Variants in GDAP2 observed in about 807,000 individuals in gnomAD.
GDAP2 encodes ganglioside-induced differentiation-associated protein 2.
GDAP2 carries 51 observed loss-of-function variants against 67.0 expected under a neutral mutation model. That is an observed-to-expected ratio of 0.76 (90% CI 0.61 to 0.96). GDAP2 has a LOEUF of 0.96. Among genes scored for constraint, GDAP2 ranks in the 40% least tolerant of loss-of-function variants. The probability of loss-of-function intolerance (pLI) is 0.00; values close to 1 mark genes in which losing one functional copy is unlikely to be tolerated. For missense variants in GDAP2, 547 were observed against 588.3 expected (o/e 0.93, Z 0.73); for synonymous variants, 203 against 207.3 (o/e 0.98, Z 0.18).
intron 1 of GDAP2, among the ~76,000 whole-genome samples, chr1:117,923,636 C>T (rs1186953093): frequency 6.6e-6 from 1 of 152,132 alleles, no homozygotes; most frequent in Admixed American, 6.5e-5. Context: ...AATAAATGTG[C>T]AGTTTAATGA....
At chr1:117,906,679 A>G in intron 5 of GDAP2, 97 bp from the exon 6 acceptor site, 1 of 671,304 alleles carries the variant, frequency 1.5e-6, no homozygotes, top group South Asian at 1.8e-5. Flanking sequence ...GTAATGGATC[A>G]CTTCTCACTT....
intron 5 of GDAP2, among the ~76,000 whole-genome samples, chr1:117,911,291 T>C (rs546798369): frequency 2.2e-4 from 34 of 152,336 alleles, no homozygotes; most frequent in Middle Eastern, 6.8e-3. Flanking sequence ...TGGCTCATAT[T>C]GACTGAGCCC....
At chr1:117,897,078 G>GT (rs1360486684) in intron 7 of GDAP2, 89 bp from the exon 8 acceptor site, 2 of 882,196 alleles carry the variant, frequency 2.3e-6, no homozygotes, top group East Asian at 5.5e-5. Context: ...TGACAGTGAG[G>GT]TAACTCAAAA....
At chr1:117,904,709 C>T (rs1649600451) in intron 6 of GDAP2, among the ~76,000 whole-genome samples, 1 of 152,118 alleles carries the variant, frequency 6.6e-6, no homozygotes, top group Admixed American at 6.6e-5. Flanking sequence ...TCTTTGTTTA[C>T]CTGGCTGTCT....
chr1:117,896,969 C>A lies in GDAP2; in HGVS notation c.817G>T (p.Glu273Ter), dbSNP rs1381319627. 6 of 1,606,382 alleles carry A rather than the reference C, an allele frequency of 3.7e-6. No homozygotes were observed. Among genetic ancestry groups the A allele is most frequent in the Non-Finnish European group, 5.1e-6 (6 of 1,175,944 alleles). ...APEDNQEEED[E>*]GLGVDLSFIG... ...AAAGAGAGATCAACTCCCAAGCCTT[C>A]ATCCTCCTCTTCTTGGTTATCTGTA... The change falls in exon 8 of 14, where the codon GAA (glutamate) becomes TAA (stop). Residue 273 changes from glutamate (E) to a stop codon, truncating the protein, a stop_gained. Transcript: ENST00000369443. LOFTEE classifies it high-confidence loss of function.
intron 5 of GDAP2, among the ~76,000 whole-genome samples, chr1:117,911,392 TA>T (rs1338776028): frequency 3.9e-5 from 6 of 152,336 alleles, no homozygotes; most frequent in African/African-American, 1.4e-4. Flanking sequence ...ACAAATATGA[TA>T]TCATGAAATC....
intron 8 of GDAP2, among the ~76,000 whole-genome samples, chr1:117,892,099 C>T (rs1214475799): frequency 6.6e-6 from 1 of 152,082 alleles, no homozygotes; most frequent in Non-Finnish European, 1.5e-5. Flanking sequence ...TGGTCCTGTT[C>T]TGGTTTCTAA....
At chr1:117,919,496 G>A (rs980242357) in intron 2 of GDAP2, among the ~76,000 whole-genome samples, 8 of 152,040 alleles carry the variant, frequency 5.3e-5, no homozygotes, top group African/African-American at 1.9e-4. Flanking sequence ...GAAATGTTCA[G>A]AATTGGCAAA....
rs528730532 is a variant in GDAP2 at position 117,878,448 on chromosome 1, G to C, written c.1303-296C>G. Among the ~76,000 whole-genome samples, 235 of 152,212 alleles carry C rather than the reference G, an allele frequency of 1.5e-3. 1 individual carries two copies. The highest frequency in any genetic ancestry group is 1.6e-3 in the Non-Finnish European group (106 of 68,004). On this transcript the variant is annotated intron_variant, in intron 12 of 13. Coordinates refer to ENST00000369443, the MANE Select transcript of GDAP2 (RefSeq NM_017686.4). ...CCCATGCGTGTAGTGTGTTAGTGCTGTACTACATGCTTCTTACTGTGGGTT... is the reference window on the plus strand; with the variant it reads ...CCCATGCGTGTAGTGTGTTAGTGCTCTACTACATGCTTCTTACTGTGGGTT...
At chr1:117,918,108 T>C (rs1286868952) in intron 3 of GDAP2, among the ~76,000 whole-genome samples, 6 of 152,214 alleles carry the variant, frequency 3.9e-5, no homozygotes. Flanking sequence ...TCATATAGGT[T>C]AACTTTGCTG....
chr1:117,872,621 A>G (rs1346364424), intron 13 of GDAP2, among the ~76,000 whole-genome samples: 2 of 151,390 alleles, frequency 1.3e-5, no homozygotes, highest in South Asian at 4.2e-4. Context: ...GTTCTCACTT[A>G]CAAGTAGGAG....
In GDAP2 at chr1:117,881,884, C is replaced by A; in HGVS notation, c.1248-7G>T. 6.5e-7 allele frequency: 1 copy of A among 1,527,030 alleles called. No homozygotes were observed. Among genetic ancestry groups the A allele is most frequent in the Non-Finnish European group, 9.1e-7 (1 of 1,101,230 alleles). The allele number at this position is 1,527,030 out of a possible 1,614,324, so 94.6% of individuals were successfully genotyped here. On this transcript the variant is annotated splice_region_variant and splice_polypyrimidine_tract_variant and intron_variant, in intron 11 of 13. Transcript: ENST00000369443. Reference sequence around the variant, plus strand: ...CTTCAAATTCCTCTTGTACCTGATCCAAAAATAAAATGACAAAAAAAATCA... The same window carrying A: ...CTTCAAATTCCTCTTGTACCTGATCAAAAAATAAAATGACAAAAAAAATCA...
chr1:117,890,669 C>T (rs776554343), intron 8 of GDAP2, among the ~76,000 whole-genome samples: 61 of 152,062 alleles, frequency 4.0e-4, no homozygotes, highest in Non-Finnish European at 6.5e-4. Context: ...TACTTCCCAC[C>T]GTTATCTGGA....
intron 6 of GDAP2, 97 bp downstream of exon 6, chr1:117,906,409 T>TG (rs1215318509): frequency 2.9e-6 from 2 of 680,340 alleles, no homozygotes; most frequent in South Asian, 1.8e-5. Context: ...CATTAGGATT[T>TG]GTCTGCTGGA....
intron 6 of GDAP2, among the ~76,000 whole-genome samples, chr1:117,903,942 T>C (rs556602171): frequency 2.0e-5 from 3 of 152,144 alleles, no homozygotes; most frequent in Admixed American, 6.5e-5. Context: ...AACAATATTC[T>C]AGGTTATCTT....
At chr1:117,912,183 C>T (rs1649879210) in intron 4 of GDAP2, 101 bp from the exon 5 acceptor site, 1 of 733,230 alleles carries the variant, frequency 1.4e-6, no homozygotes, top group South Asian at 1.6e-5. Context: ...TTCTCCTTTC[C>T]TCCCTCTTCA....
At chr1:117,874,948 A>G (rs1354907731) in intron 13 of GDAP2, among the ~76,000 whole-genome samples, 1 of 152,258 alleles carries the variant, frequency 6.6e-6, no homozygotes, top group African/African-American at 2.4e-5. Flanking sequence ...ATTTCTAAGC[A>G]GTAAAGCATT....
chr1:117,912,868 G>T lies in GDAP2; in HGVS notation c.317-185C>A, dbSNP rs551628639. On this transcript the variant is annotated intron_variant, in intron 3 of 13. Transcript: ENST00000369443. ...AAATGACAGTGAAGCAATACAATAG[G>T]TATAAGCACAGAGACAGATAAAGAG... is the stretch of plus-strand genomic sequence containing the variant. 2.6e-5 allele frequency among the ~76,000 whole-genome samples: 4 copies of T among 152,234 alleles called. 1 individual carries two copies. In the South Asian group the frequency reaches 8.3e-4, roughly 32 times the overall value.
chr1:117,870,112 T>A lies in GDAP2; in HGVS notation c.*457A>T, dbSNP rs1648203125. ...ACAGCCAAATTATCTTTATAAAATA[T>A]ACATGGTATTAACACCATGGATCTG... On this transcript the variant is annotated 3_prime_UTR_variant, in exon 14 of 14. Transcript: ENST00000369443. 2 of 153,574 alleles carry A rather than the reference T, an allele frequency of 1.3e-5. No individual in the cohort carries two copies. Among genetic ancestry groups the A allele is most frequent in the African/African-American group, 4.8e-5 (2 of 41,474 alleles). The allele number at this position is 153,574 out of a possible 1,614,324, so 9.5% of individuals were successfully genotyped here. A position where few individuals can be genotyped will look rare whatever the true frequency, so the allele number is the denominator to read the frequency against.
Sources: gnomAD v4.1 joint callset for allele counts (sites outside exome capture counted in the v4.1 genomes callset) on GRCh38, gnomAD v4.1.1 for gene constraint, MANE v1.5 for transcripts, NCBI Gene and HGNC (gene_info 2026-07-23, HGNC 2026-07-21) for gene names.